Variants in ZNF75D observed in about 807,000 individuals in gnomAD.
ZNF75D encodes zinc finger protein 75.
ZNF75D carries 33 observed loss-of-function variants against 33.3 expected under a neutral mutation model. The observed-to-expected ratio is 0.99, with a 90% CI of 0.75 to 1.32. The LOEUF is 1.32. Among genes scored for constraint, ZNF75D ranks in the 40% most tolerant of loss-of-function variants. The probability of loss-of-function intolerance (pLI) is 0.00; values close to 1 mark genes in which losing one functional copy is unlikely to be tolerated. For synonymous variants in ZNF75D, 113 were observed against 130.6 expected (o/e 0.87, Z 0.92); for missense variants, 338 against 367.5 (o/e 0.92, Z 0.66).
At chrX:135,260,665 G>A (rs2083836198) in intron 1 of ZNF75D, among the ~76,000 whole-genome samples, 1 of 111,632 alleles carries the variant, frequency 9.0e-6, no homozygotes, top group South Asian at 3.7e-4. Flanking sequence ...ATATTTTATT[G>A]TGTATATTTG....
chrX:135,276,608 T>C (rs2083900003), intron 1 of ZNF75D, among the ~76,000 whole-genome samples: 2 of 111,116 alleles, frequency 1.8e-5, no homozygotes, highest in Admixed American at 1.9e-4. Flanking sequence ...TCATCTACAT[T>C]AGGTACTTCT....
chrX:135,325,574 G>A (rs1173795208), intron 1 of ZNF75D, among the ~76,000 whole-genome samples: 1 of 112,561 alleles, frequency 8.9e-6, no homozygotes, highest in Admixed American at 9.2e-5. Flanking sequence ...GCCGGCCCCG[G>A]GCAATGAGGG....
chrX:135,305,366 C>CA (rs1312246112), intron 1 of ZNF75D, among the ~76,000 whole-genome samples: 1 of 111,737 alleles, frequency 8.9e-6, no homozygotes, highest in African/African-American at 3.3e-5. Flanking sequence ...CACATTTGAA[C>CA]ACCTTGTATG....
At chrX:135,294,996 C>T (rs1556422380) in intron 2 of ZNF75D, among the ~76,000 whole-genome samples, 1 of 111,889 alleles carries the variant, frequency 8.9e-6, no homozygotes, top group African/African-American at 3.3e-5. Context: ...TACAGATGGT[C>T]TTCCTTTACA....
chrX:135,293,033 C>T (rs2084069367), intron 3 of ZNF75D, among the ~76,000 whole-genome samples: 1 of 111,092 alleles, frequency 9.0e-6, no homozygotes, highest in Non-Finnish European at 1.9e-5. Context: ...ATGGCCTGCC[C>T]TGGATTTTTC....
chrX:135,256,598 C>G (rs782630233), intron 1 of ZNF75D, among the ~76,000 whole-genome samples: 1 of 111,759 alleles, frequency 8.9e-6, no homozygotes, highest in African/African-American at 3.2e-5. Context: ...AATCCTAGTG[C>G]TGGACTGGGC....
chrX:135,331,387 T>C (rs1450928660), intron 1 of ZNF75D, among the ~76,000 whole-genome samples: 2 of 109,375 alleles, frequency 1.8e-5, no homozygotes, highest in Non-Finnish European at 3.8e-5. Flanking sequence ...GACTGTGACA[T>C]GGCTTCCAGG....
chrX:135,278,246 G>C (rs1556417933), intron 1 of ZNF75D, among the ~76,000 whole-genome samples: 1 of 111,179 alleles, frequency 9.0e-6, no homozygotes, highest in East Asian at 2.8e-4. Flanking sequence ...TATTCTCTTT[G>C]TAGCAATTGT....
chrX:135,317,235 C>T (rs1234288127), intron 1 of ZNF75D, among the ~76,000 whole-genome samples: 1 of 111,489 alleles, frequency 9.0e-6, no homozygotes, highest in African/African-American at 3.3e-5. Context: ...TGGCTATAAA[C>T]AGTGTCAGTG....
In ZNF75D at chrX:135,293,892, G is replaced by A. The variant is rs1556421985; in HGVS notation, c.249C>T (p.His83=). 13 of 1,211,605 alleles carry A rather than the reference G, an allele frequency of 1.1e-5. No homozygotes were observed. In the South Asian group the frequency reaches 2.3e-4, roughly 21 times the overall value. Residue 83 remains histidine, a synonymous_variant, in exon 3 of 7, where the codon CAC becomes CAT. Coordinates refer to ENST00000370766, the MANE Select transcript of ZNF75D (RefSeq NM_007131.5). ...GCATTTCCAAGATCTGCTCTTTTGA[G>A]TGGATCTCTGGCCTCAGCCACTGAT... ...LCHQWLRPEI[H]SKEQILEMLV...
At chrX:135,307,726 T>C (rs12558357) in intron 1 of ZNF75D, among the ~76,000 whole-genome samples, 28,114 of 111,150 alleles carry the variant, frequency 0.25, 2,835 homozygotes, top group South Asian at 0.43. Flanking sequence ...CACAGTTGTG[T>C]GAGACACAGC....
intron 1 of ZNF75D, among the ~76,000 whole-genome samples, chrX:135,333,441 T>C (rs948432503): frequency 9.0e-6 from 1 of 111,679 alleles, no homozygotes; most frequent in Non-Finnish European, 1.9e-5. Flanking sequence ...AAGTAGGATA[T>C]ATCTGATTAA....
chrX:135,289,827 T>C (rs1179369112), intron 6 of ZNF75D, among the ~76,000 whole-genome samples: 1 of 112,044 alleles, frequency 8.9e-6, no homozygotes, highest in African/African-American at 3.2e-5. Context: ...AGAAGACCTT[T>C]ACGTGTGATC....
Position 135,291,464 on chromosome X carries a change from C to A in ZNF75D, c.696+8G>T. On this transcript the variant is annotated splice_region_variant and intron_variant, in intron 5 of 6. Transcript: ENST00000370766. ...GTCACCTGAAAAAAGCCAGAAATAA[C>A]AGCTCACCAGGGACTCAGGCAGGAT... 1 of 1,211,110 alleles carries A rather than the reference C, an allele frequency of 8.3e-7. No homozygotes were observed.
At chrX:135,319,065 C>T (rs1556433085) in intron 1 of ZNF75D, among the ~76,000 whole-genome samples, 1 of 111,241 alleles carries the variant, frequency 9.0e-6, no homozygotes, top group African/African-American at 3.3e-5. Flanking sequence ...ATGGCCATTG[C>T]TACTTGGTTT....
chrX:135,302,147 T>A (rs1305186985), intron 1 of ZNF75D, among the ~76,000 whole-genome samples: 1 of 112,271 alleles, frequency 8.9e-6, no homozygotes, highest in Non-Finnish European at 1.9e-5. Flanking sequence ...GATATGTGCA[T>A]GTGTGGTAAG....
chrX:135,271,418 T>C (rs1341996162), intron 1 of ZNF75D, among the ~76,000 whole-genome samples: 1 of 111,670 alleles, frequency 9.0e-6, no homozygotes, highest in Non-Finnish European at 1.9e-5. Flanking sequence ...AGACACATAA[T>C]GGGTGTTTGA....
intron 1 of ZNF75D, among the ~76,000 whole-genome samples, chrX:135,278,122 G>A (rs1411182606): frequency 8.9e-6 from 1 of 111,794 alleles, no homozygotes; most frequent in Non-Finnish European, 1.9e-5. Flanking sequence ...CTATCCATGA[G>A]CATGGAATGA....
At chrX:135,261,840 T>C (rs192899456) in intron 1 of ZNF75D, among the ~76,000 whole-genome samples, 180 of 111,869 alleles carry the variant, frequency 1.6e-3, no homozygotes, top group African/African-American at 5.5e-3. Context: ...CCTGTCACTA[T>C]GATGTTCGCT....
Sources: allele counts gnomAD v4.1 joint callset (sites outside exome capture counted in the v4.1 genomes callset), GRCh38; gene constraint gnomAD v4.1.1; transcripts MANE v1.5; gene names NCBI Gene and HGNC (gene_info 2026-07-23, HGNC 2026-07-21).